The following EYS variants were observed in gnomAD, a reference collection of about 807,000 sequenced individuals.
EYS encodes the protein protein eyes shut homolog.
Under a neutral mutation model 282.1 loss-of-function variants are expected in EYS, and 250 were observed. The observed-to-expected ratio is 0.89, with a 90% CI of 0.80 to 0.98. EYS has a LOEUF of 0.98. Ranked by LOEUF, EYS falls within the 50% of genes least tolerant of loss-of-function variation. EYS has a pLI of 0.00. For missense variants in EYS, 4,016 were observed against 3,709.0 expected (o/e 1.08, Z -2.15); for synonymous variants, 1,355 against 1,282.9 (o/e 1.06, Z -1.20).
At chr6:64,436,762 C>T (rs1018109396) in intron 27 of EYS, among the ~76,000 whole-genome samples, 7 of 151,682 alleles carry the variant, frequency 4.6e-5, no homozygotes, top group Non-Finnish European at 1.0e-4. Context: ...CTGTTAATGG[C>T]AACTAAGTTA....
chr6:63,806,094 C>CT lies in EYS; in HGVS notation c.7411+95dup, dbSNP rs138375660. 13,669 of 1,132,724 alleles carry CT rather than the reference C, an allele frequency of 0.012. 122 individuals carry two copies. The highest frequency in any genetic ancestry group is 0.043 in the African/African-American group (2,716 of 63,368). 70.2% of individuals were successfully genotyped at this position (1,132,724 alleles called of 1,614,324 possible). A position where few individuals can be genotyped will look rare whatever the true frequency, so the allele number is the denominator to read the frequency against. ...GAGGAGGCTGCATCTAGGCAAAGGT[C>CT]TTTTTTTTACCACAGCCAATTAGAG... On this transcript the variant is annotated intron_variant, in intron 37 of 42. Transcript: ENST00000503581.
At chr6:64,634,867 T>C (rs1202234695) in intron 22 of EYS, among the ~76,000 whole-genome samples, 1 of 152,212 alleles carries the variant, frequency 6.6e-6, no homozygotes, top group Non-Finnish European at 1.5e-5. Flanking sequence ...TTTTAAGAGA[T>C]AACAAGCATG....
At chr6:65,517,797 C>T (rs1767198910) in intron 2 of EYS, among the ~76,000 whole-genome samples, 1 of 151,834 alleles carries the variant, frequency 6.6e-6, no homozygotes, top group Non-Finnish European at 1.5e-5. Context: ...AGATGTTAAT[C>T]ATTAAAGGGA....
At chr6:65,621,160 G>A (rs1339429574) in intron 2 of EYS, among the ~76,000 whole-genome samples, 1 of 152,126 alleles carries the variant, frequency 6.6e-6, no homozygotes, top group African/African-American at 2.4e-5. Context: ...GGGTGTTAAA[G>A]TCTCCCACTA....
intron 37 of EYS, among the ~76,000 whole-genome samples, chr6:63,799,304 G>A (rs892894362): frequency 4.6e-5 from 7 of 151,698 alleles, no homozygotes; most frequent in Admixed American, 2.6e-4. Flanking sequence ...ATGAGCCACC[G>A]TGCCCGGCTC....
chr6:65,461,886 C>T (rs916867280), intron 5 of EYS, among the ~76,000 whole-genome samples: 1 of 152,028 alleles, frequency 6.6e-6, no homozygotes, highest in African/African-American at 2.4e-5. Context: ...ATTTATCAGT[C>T]TCTTATAAAA....
chr6:65,694,660 T>C (rs996587746), intron 1 of EYS, among the ~76,000 whole-genome samples: 16 of 149,596 alleles, frequency 1.1e-4, no homozygotes, highest in African/African-American at 3.9e-4. Context: ...ACTGACTGGT[T>C]ATTTCACCTT....
intron 24 of EYS, among the ~76,000 whole-genome samples, chr6:64,594,353 T>C (rs935509056): frequency 2.0e-5 from 3 of 152,194 alleles, no homozygotes; most frequent in African/African-American, 7.2e-5. Flanking sequence ...CGTGTGCATG[T>C]GTCTTTATAG....
chr6:64,177,512 T>A (rs1251752691), intron 31 of EYS, among the ~76,000 whole-genome samples: 1 of 152,138 alleles, frequency 6.6e-6, no homozygotes, highest in Non-Finnish European at 1.5e-5. Flanking sequence ...TTGAATTAAT[T>A]AATTTCATAT....
chr6:64,001,743 T>C (rs560267351), intron 33 of EYS, among the ~76,000 whole-genome samples: 5 of 152,218 alleles, frequency 3.3e-5, no homozygotes, highest in African/African-American at 9.6e-5. Flanking sequence ...TTGCGTGAAA[T>C]AGAAAAAGGG....
intron 12 of EYS, among the ~76,000 whole-genome samples, chr6:65,066,611 T>A (rs971097183): frequency 6.6e-6 from 1 of 152,174 alleles, no homozygotes; most frequent in Non-Finnish European, 1.5e-5. Flanking sequence ...ATAGAAATAA[T>A]CTTGTCTCAG....
chr6:65,674,530 C>T, intron 1 of EYS, among the ~76,000 whole-genome samples: 1 of 127,452 alleles, frequency 7.8e-6, no homozygotes, highest in East Asian at 2.5e-4. Context: ...ATAAAACTAA[C>T]ACAGGATTCC....
At chr6:63,935,845 A>G (rs1053172637) in intron 35 of EYS, among the ~76,000 whole-genome samples, 2 of 152,188 alleles carry the variant, frequency 1.3e-5, no homozygotes, top group Admixed American at 1.3e-4. Flanking sequence ...AGATATTTTT[A>G]TGATCCCCAT....
rs372564528 is a variant in EYS, at chr6:63,895,084, G to A, written c.7056-30726C>T. Among the ~76,000 whole-genome samples, 3 of 151,264 alleles carry A rather than the reference G, an allele frequency of 2.0e-5. No individual in the cohort carries two copies. The East Asian group carries it at 5.8e-4, about 29-fold the overall frequency. Reference sequence around the variant, plus strand: ...GCCCACCGAGCCATTATTCTGTTCTGGGTCACCCCCCATGGCCTCACCCTC... The same window carrying A: ...GCCCACCGAGCCATTATTCTGTTCTAGGTCACCCCCCATGGCCTCACCCTC... On this transcript the variant is annotated intron_variant, in intron 35 of 42. Coordinates refer to ENST00000503581, the MANE Select transcript of EYS (RefSeq NM_001142800.2).
chr6:64,596,073 G>C (rs987821392), intron 24 of EYS, among the ~76,000 whole-genome samples: 1 of 151,984 alleles, frequency 6.6e-6, no homozygotes, highest in African/African-American at 2.4e-5. Flanking sequence ...AAGAGAGAGA[G>C]AGCCAGGGAG....
chr6:64,125,379 T>C (rs1773742404), intron 31 of EYS, among the ~76,000 whole-genome samples: 1 of 151,616 alleles, frequency 6.6e-6, no homozygotes, highest in Admixed American at 6.6e-5. Flanking sequence ...GTCTGAATTA[T>C]GCCCCGTTGT....
chr6:64,394,084 G>A (rs1228246867), intron 28 of EYS, among the ~76,000 whole-genome samples: 9 of 152,028 alleles, frequency 5.9e-5, no homozygotes, highest in Admixed American at 5.9e-4. Flanking sequence ...GGGATGTGAA[G>A]GACCTCTTCA....
At chr6:65,457,331 ATTCT>A (rs1158896685) in intron 5 of EYS, among the ~76,000 whole-genome samples, 2 of 151,920 alleles carry the variant, frequency 1.3e-5, no homozygotes, top group East Asian at 3.9e-4. Context: ...TGCTCAGCTA[ATTCT>A]TTTTTTTTCC....
intron 26 of EYS, among the ~76,000 whole-genome samples, chr6:64,525,499 C>T (rs1224078412): frequency 1.3e-5 from 2 of 150,714 alleles, no homozygotes; most frequent in Non-Finnish European, 3.0e-5. Flanking sequence ...AAAAGGGGGG[C>T]AATAGACACT....
Sources: gnomAD v4.1 joint callset for allele counts (sites outside exome capture counted in the v4.1 genomes callset) on GRCh38, gnomAD v4.1.1 for gene constraint, MANE v1.5 for transcripts, NCBI Gene and HGNC (gene_info 2026-07-23, HGNC 2026-07-21) for gene names.